The following ABCB9 variants were observed in gnomAD, a reference collection of about 807,000 sequenced individuals.
ABCB9 encodes the protein ABC-type oligopeptide transporter ABCB9.
ABCB9 carries 36 observed loss-of-function variants against 62.0 expected under a neutral mutation model. The observed-to-expected ratio is 0.58, with a 90% CI of 0.45 to 0.77. The LOEUF is 0.77. ABCB9 is among the 30% of genes least tolerant of loss of function. The pLI is 0.00. For synonymous variants in ABCB9, 435 were observed against 461.4 expected, an observed-to-expected ratio of 0.94 and a Z score of 0.73; for missense variants, 943 against 1,054.7, an observed-to-expected ratio of 0.89 and a Z score of 1.47.
At chr12:122,927,686 T>C (rs1049893108), downstream of ABCB9, among the ~76,000 whole-genome samples, 1 of 152,132 alleles carries the variant, frequency 6.6e-6, no homozygotes, top group South Asian at 2.1e-4. Context: ...GAGCTTAGAC[T>C]GGAACGGGGC....
At chr12:122,963,359 G>A (rs977585756) in intron 1 of ABCB9, among the ~76,000 whole-genome samples, 5 of 152,306 alleles carry the variant, frequency 3.3e-5, no homozygotes, top group Admixed American at 6.5e-5. Flanking sequence ...TGTGGCAGAG[G>A]TGATAAGACT....
At chr12:122,953,329 C>T (rs1213626799) in intron 2 of ABCB9, among the ~76,000 whole-genome samples, 1 of 152,066 alleles carries the variant, frequency 6.6e-6, no homozygotes, top group Non-Finnish European at 1.5e-5. Context: ...TCTCATGCCT[C>T]AGCCTCCCAA....
At chr12:122,942,572 T>C (rs2035821921) in intron 7 of ABCB9, among the ~76,000 whole-genome samples, 1 of 149,052 alleles carries the variant, frequency 6.7e-6, no homozygotes, top group African/African-American at 2.5e-5. Flanking sequence ...TGAGCCAAGA[T>C]TGCACCACTG....
intron 1 of ABCB9, 102 bp downstream of exon 1, chr12:122,966,185 C>T (rs1347109528): frequency 3.3e-5 from 5 of 152,444 alleles, no homozygotes; most frequent in Admixed American, 3.3e-4. Context: ...TGCCTATTCC[C>T]ACCGAGGCAG....
At chr12:122,969,327 G>A (rs1004750961), upstream of ABCB9, among the ~76,000 whole-genome samples, 1 of 152,244 alleles carries the variant, frequency 6.6e-6, no homozygotes, top group Non-Finnish European at 1.5e-5. Flanking sequence ...CTTTTTGGGT[G>A]AGGAATGTTC....
chr12:122,958,926 G>C (rs947879507), intron 2 of ABCB9, among the ~76,000 whole-genome samples: 12 of 151,410 alleles, frequency 7.9e-5, no homozygotes, highest in Admixed American at 6.6e-4. Flanking sequence ...ATTGAGATGG[G>C]GTCTTGTCAT....
At position 122,946,600 on chromosome 12, in the gene ABCB9, C is replaced by T. The variant is rs111374298; in HGVS notation, c.1054-378G>A. The T allele has an allele frequency of 4.0e-3, 1,099 of 272,630 alleles. 4 individuals carry two copies. Among genetic ancestry groups the T allele is most frequent in the Non-Finnish European group, 6.0e-3 (836 of 139,672 alleles). 16.9% of individuals were successfully genotyped at this position (272,630 alleles called of 1,614,324 possible). ...CTGGAAGAGCAGGGGATGCCTTGGACGGTTGTTCAGGTTGTACACTATTTA... is the reference window on the plus strand; with the variant it reads ...CTGGAAGAGCAGGGGATGCCTTGGATGGTTGTTCAGGTTGTACACTATTTA... On this transcript the variant is annotated intron_variant, in intron 5 of 11. Transcript: ENST00000280560.
downstream of ABCB9, among the ~76,000 whole-genome samples, chr12:122,926,649 G>A (rs1441489931): frequency 6.6e-6 from 1 of 152,062 alleles, no homozygotes; most frequent in African/African-American, 2.4e-5. Flanking sequence ...AACACTTTGG[G>A]AGGCCAAGGT....
intron 2 of ABCB9, among the ~76,000 whole-genome samples, chr12:122,958,902 T>G (rs1053613594): frequency 6.6e-6 from 1 of 151,676 alleles, no homozygotes; most frequent in Non-Finnish European, 1.5e-5. Context: ...GTCTTTTACT[T>G]TTTCCTTTTT....
Position 122,959,684 on chromosome 12 carries a change from G to T in ABCB9, c.552C>A (p.Asp184Glu), listed in dbSNP as rs369754637. The change falls in exon 2 of 12, where the codon GAC becomes GAA. Residue 184 changes from aspartate (D) to glutamate (E), a missense_variant. By Grantham distance (45) the Asp-to-Glu change is conservative. Transcript: ENST00000280560. This position sits in a 1 kb window ranked among gnomAD's most constrained non-coding sequence, Gnocchi z 5.4. The stretch of plus-strand genomic sequence containing the variant: ...AGGAGGCGGCCACGAGGAAGGCCAC[G>T]TCGGGCTTGGTGTAGGAGAGCAGCT... ...LQKLLSYTKPDVAFLVAASFF... is the reference protein window; with the variant it reads ...LQKLLSYTKPEVAFLVAASFF... 2.5e-6 allele frequency: 4 copies of T among 1,591,584 alleles called. No individual in the cohort carries two copies. The African/African-American group carries it at 5.4e-5, about 21-fold the overall frequency.
downstream of ABCB9, among the ~76,000 whole-genome samples, chr12:122,927,296 C>T (rs776435830): frequency 7.9e-5 from 12 of 152,084 alleles, no homozygotes; most frequent in African/African-American, 1.9e-4. Flanking sequence ...CTCAGCCTCC[C>T]GAGTAGCTGG....
intron 2 of ABCB9, chr12:122,952,663 A>T (rs1452442503): frequency 6.6e-6 from 1 of 152,266 alleles, no homozygotes. Flanking sequence ...ATTCTGGAAT[A>T]TCTGATTCCA....
In ABCB9 at chr12:122,948,662, T is replaced by C. The variant is rs2135852132; in HGVS notation, c.1015A>G (p.Ile339Val). 6.2e-7 allele frequency: 1 copy of C among 1,613,928 alleles called. No homozygotes were observed. The highest frequency in any genetic ancestry group is 8.5e-7 in the Non-Finnish European group (1 of 1,179,894). Reference sequence around the variant, plus strand: ...CCGTAGATGTTGGACACCATCATGATGATGGGGAAGCCCATGAAGGTGACC... The same window carrying C: ...CCGTAGATGTTGGACACCATCATGACGATGGGGAAGCCCATGAAGGTGACC... ...SLVTFMGFPI[I>V]MMVSNIYGKY... The change falls in exon 5 of 12, where the codon ATC (isoleucine) becomes GTC (valine). Residue 339 changes from isoleucine to valine, a missense_variant. Transcript: ENST00000280560.
intron 7 of ABCB9, among the ~76,000 whole-genome samples, chr12:122,941,617 A>G (rs999387938): frequency 3.3e-5 from 5 of 151,374 alleles, no homozygotes; most frequent in African/African-American, 9.7e-5. Context: ...CTTGATTTCA[A>G]TTTTCAAAAT....
Position 122,929,659 on chromosome 12 carries a change from C to T in ABCB9, c.*252G>A. ...CTGGTAAGACCTAGGTTTAAAAAGGCAGCTCTACCTTTGCTTAGGAGGCTA... is the reference window on the plus strand; with the variant it reads ...CTGGTAAGACCTAGGTTTAAAAAGGTAGCTCTACCTTTGCTTAGGAGGCTA... On this transcript the variant is annotated 3_prime_UTR_variant, in exon 12 of 12. Transcript: ENST00000280560. This position sits in a 1 kb window ranked among gnomAD's most constrained non-coding sequence, Gnocchi z 6.0. 1 of 1,238,238 alleles carries T rather than the reference C, an allele frequency of 8.1e-7. No homozygotes were observed. Among genetic ancestry groups the T allele is most frequent in the Non-Finnish European group, 1.0e-6 (1 of 990,596 alleles). 76.7% of individuals were successfully genotyped at this position (1,238,238 alleles called of 1,614,324 possible).
chr12:122,939,960 T>A, intron 9 of ABCB9, 151 bp downstream of exon 9: 1 of 1,090,826 alleles, frequency 9.2e-7, no homozygotes. Flanking sequence ...ACAAGAATGT[T>A]CTGTTTCTCT....
intron 7 of ABCB9, among the ~76,000 whole-genome samples, chr12:122,941,929 A>G (rs1463693253): frequency 2.0e-5 from 3 of 151,614 alleles, no homozygotes; most frequent in Non-Finnish European, 4.4e-5. Flanking sequence ...GGGTTGCACC[A>G]TGTTGCCCAG....
rs1243274100 is a variant in ABCB9, at chr12:122,930,411, CCTT to C, written c.2041-243_2041-241del. 5.4e-5 allele frequency among the ~76,000 whole-genome samples: 8 copies of C among 149,188 alleles called. No individual in the cohort carries two copies. Among genetic ancestry groups the C allele is most frequent in the Non-Finnish European group, 7.4e-5 (5 of 67,588 alleles). On this transcript the variant is annotated intron_variant, in intron 11 of 11. Coordinates refer to ENST00000280560, the MANE Select transcript of ABCB9 (RefSeq NM_019625.4). This position sits in a 1 kb window ranked among gnomAD's most constrained non-coding sequence, Gnocchi z 4.9. ...GTCTTCTGGTCCTTCCCTTCCCCCT[CCTT>C]TTTTTTTTTTTTTTTTTTTAAGTCT...
At position 122,944,384 on chromosome 12, in the gene ABCB9, C is replaced by T. The variant is rs746961521; in HGVS notation, c.1380+7G>A. The stretch of plus-strand genomic sequence containing the variant: ...TCTCTGGATCCCCGGACACACTGGC[C>T]TCTCACCTCCATACAATCTCCCAGG... On this transcript the variant is annotated splice_region_variant and intron_variant, in intron 7 of 11. Transcript: ENST00000280560. The surrounding 1 kb of genome is among the most constrained non-coding windows in gnomAD (Gnocchi z 4.9). 1.7e-5 allele frequency: 28 copies of T among 1,612,186 alleles called. No individual in the cohort carries two copies. Among genetic ancestry groups the T allele is most frequent in the South Asian group, 2.2e-5 (2 of 90,962 alleles).
Sources: allele counts gnomAD v4.1 joint callset (sites outside exome capture counted in the v4.1 genomes callset), GRCh38; gene constraint gnomAD v4.1.1; non-coding constraint Gnocchi (gnomAD v3.1); transcripts MANE v1.5; gene names NCBI Gene and HGNC (gene_info 2026-07-23, HGNC 2026-07-21).